Variants in SP4 observed in about 807,000 individuals in gnomAD.
SP4 encodes Sp4 transcription factor.
SP4 carries 19 observed loss-of-function variants against 72.8 expected under a neutral mutation model. That is an observed-to-expected ratio of 0.26 (90% CI 0.18 to 0.38). The LOEUF is 0.38. SP4 is among the 10% of genes least tolerant of loss of function. The probability of loss-of-function intolerance (pLI) is 1.00; values close to 1 mark genes in which losing one functional copy is unlikely to be tolerated. For synonymous variants in SP4, 395 were observed against 333.1 expected, an observed-to-expected ratio of 1.19 and a Z score of -2.02; for missense variants, 1,008 against 926.3, an observed-to-expected ratio of 1.09 and a Z score of -1.14.
chr7:21,451,929 G>A (rs1188872982), intron 3 of SP4, among the ~76,000 whole-genome samples: 1 of 152,222 alleles, frequency 6.6e-6, no homozygotes, highest in Non-Finnish European at 1.5e-5. Context: ...CATGCCGGCT[G>A]AGACCTGGGT....
intron 3 of SP4, among the ~76,000 whole-genome samples, chr7:21,440,606 T>C (rs1439030069): frequency 6.6e-6 from 1 of 152,054 alleles, no homozygotes; most frequent in East Asian, 1.9e-4. Flanking sequence ...TCCCAGCACT[T>C]TGGGAGGCCG....
chr7:21,476,839 A>G (rs146233068), intron 3 of SP4, among the ~76,000 whole-genome samples: 1 of 152,312 alleles, frequency 6.6e-6, no homozygotes, highest in African/African-American at 2.4e-5. Context: ...TTAAGCCACA[A>G]AGTGAGTTAA....
At chr7:21,444,072 T>G (rs1407405300) in intron 3 of SP4, among the ~76,000 whole-genome samples, 2 of 152,220 alleles carry the variant, frequency 1.3e-5, no homozygotes, top group Non-Finnish European at 2.9e-5. Context: ...ATAGGGCAAG[T>G]AAATGGTTTT....
intron 3 of SP4, among the ~76,000 whole-genome samples, chr7:21,439,514 CT>C (rs1326184441): frequency 0.012 from 1,681 of 143,642 alleles, 27 homozygotes; most frequent in African/African-American, 0.033. Flanking sequence ...CTTTTCTTTC[CT>C]TTTTTTTTTT....
chr7:21,475,500 C>G (rs1734896661), intron 3 of SP4, among the ~76,000 whole-genome samples: 1 of 151,840 alleles, frequency 6.6e-6, no homozygotes, highest in South Asian at 2.1e-4. Flanking sequence ...CAGAGTCTCG[C>G]TCTGTCGCCC....
At chr7:21,473,474 A>T (rs1196039000) in intron 3 of SP4, among the ~76,000 whole-genome samples, 1 of 152,202 alleles carries the variant, frequency 6.6e-6, no homozygotes, top group East Asian at 1.9e-4. Flanking sequence ...GGTACTAGAG[A>T]TACAGCAGTG....
At chr7:21,446,710 A>G (rs556830419) in intron 3 of SP4, among the ~76,000 whole-genome samples, 1 of 152,358 alleles carries the variant, frequency 6.6e-6, no homozygotes, top group Non-Finnish European at 1.5e-5. Flanking sequence ...GCCAGTGGGA[A>G]AGCTCAGGAA....
In SP4 at chr7:21,513,663, A is replaced by G. The variant is rs907748931; in HGVS notation, c.*2394A>G. The G allele has an allele frequency of 1.3e-5, 2 of 152,420 alleles. No homozygotes were observed. The highest frequency in any genetic ancestry group is 4.8e-5 in the African/African-American group (2 of 41,580). The allele number at this position is 152,420 out of a possible 1,614,324, so 9.4% of individuals were successfully genotyped here. On this transcript the variant is annotated 3_prime_UTR_variant, in exon 6 of 6. Coordinates refer to ENST00000222584, the MANE Select transcript of SP4 (RefSeq NM_003112.5). Reference sequence around the variant, plus strand: ...ACACTTTTTGTTGTTGTTAATACCAAGTATGAACACTCTGCATCATTATTC... The same window carrying G: ...ACACTTTTTGTTGTTGTTAATACCAGGTATGAACACTCTGCATCATTATTC...
intron 3 of SP4, among the ~76,000 whole-genome samples, chr7:21,432,058 T>C (rs1345840392): frequency 1.3e-5 from 2 of 152,228 alleles, no homozygotes; most frequent in Non-Finnish European, 2.9e-5. Context: ...GTCTGTGATG[T>C]TGGAAATGTT....
intron 3 of SP4, among the ~76,000 whole-genome samples, chr7:21,453,423 T>G (rs564992946): frequency 6.6e-6 from 1 of 152,290 alleles, no homozygotes; most frequent in African/African-American, 2.4e-5. Context: ...CAGACACAAT[T>G]GAAAAGGAAA....
intron 3 of SP4, among the ~76,000 whole-genome samples, chr7:21,462,914 G>A (rs556371883): frequency 6.6e-6 from 1 of 152,196 alleles, no homozygotes; most frequent in Non-Finnish European, 1.5e-5. Context: ...CCTAAGAACT[G>A]TGCTGTTCAA....
At chr7:21,507,987 C>G (rs1052809015) in intron 5 of SP4, among the ~76,000 whole-genome samples, 2 of 152,136 alleles carry the variant, frequency 1.3e-5, no homozygotes, top group Admixed American at 6.5e-5. Flanking sequence ...ACCACCAAGA[C>G]AGTACTTACA....
At chr7:21,428,532 C>A in intron 1 of SP4, 145 bp from the exon 2 acceptor site, 1 of 947,330 alleles carries the variant, frequency 1.1e-6, no homozygotes, top group South Asian at 1.7e-5. Flanking sequence ...CTCCTTCTCC[C>A]CCACCCCCTG....
rs1171818288 is a variant in SP4, at chr7:21,428,121, G to A, written c.-131G>A. 2.3e-5 allele frequency: 16 copies of A among 708,898 alleles called. No homozygotes were observed. Among genetic ancestry groups the A allele is most frequent in the African/African-American group, 5.3e-5 (3 of 57,070 alleles). 43.9% of individuals were successfully genotyped at this position (708,898 alleles called of 1,614,324 possible). ...GGCCATTCGCGGAAAAAGAGGCAGA[G>A]CCTGTGCCAGCTACAGCCTCCTCCG... On this transcript the variant is annotated 5_prime_UTR_variant, in exon 1 of 6. Transcript: ENST00000222584.
intron 5 of SP4, among the ~76,000 whole-genome samples, chr7:21,503,455 A>G (rs1781918950): frequency 1.3e-5 from 2 of 152,168 alleles, no homozygotes; most frequent in Admixed American, 1.3e-4. Context: ...AGTTTGAGTC[A>G]TTCTTTCTAC....
intron 3 of SP4, among the ~76,000 whole-genome samples, chr7:21,461,760 C>G (rs945397194): frequency 3.9e-5 from 6 of 152,118 alleles, no homozygotes; most frequent in African/African-American, 7.2e-5. Flanking sequence ...GAGGAGGCAC[C>G]GAGAGTGAGC....
chr7:21,501,160 G>A (rs941402559), intron 5 of SP4, among the ~76,000 whole-genome samples: 4 of 151,942 alleles, frequency 2.6e-5, no homozygotes, highest in Admixed American at 6.6e-5. Context: ...CTTAAGTTTC[G>A]ATTTCCCAAT....
At chr7:21,457,717 T>C (rs1206434829) in intron 3 of SP4, among the ~76,000 whole-genome samples, 4 of 152,090 alleles carry the variant, frequency 2.6e-5, no homozygotes, top group Non-Finnish European at 5.9e-5. Flanking sequence ...TCCCCCAGTG[T>C]GACAAAGGGG....
intron 3 of SP4, among the ~76,000 whole-genome samples, chr7:21,468,989 A>T (rs1562607291): frequency 6.6e-6 from 1 of 152,198 alleles, no homozygotes; most frequent in Admixed American, 6.5e-5. Context: ...AGATAGTCTT[A>T]CAAATGTTTC....
Sources: gnomAD v4.1 joint callset for allele counts (sites outside exome capture counted in the v4.1 genomes callset) on GRCh38, gnomAD v4.1.1 for gene constraint, MANE v1.5 for transcripts, NCBI Gene and HGNC (gene_info 2026-07-23, HGNC 2026-07-21) for gene names.